Variants in RCC1L observed in about 807,000 individuals in gnomAD.
RCC1L encodes the protein RCC1 like.
In RCC1L, 46 loss-of-function variants were observed where a neutral mutation model predicts 58.6. The ratio of observed to expected loss-of-function variants is 0.79; its 90% CI spans 0.62 to 1.00. The LOEUF (loss-of-function observed/expected upper bound fraction) is 1.00. Ranked by LOEUF, RCC1L falls within the 50% of genes least tolerant of loss-of-function variation. The pLI, the probability that RCC1L is intolerant of heterozygous loss-of-function variation, is 0.00. For synonymous variants in RCC1L, 281 were observed against 262.9 expected, an observed-to-expected ratio of 1.07 and a Z score of -0.67; for missense variants, 636 against 623.6, an observed-to-expected ratio of 1.02 and a Z score of -0.21.
intron 10 of RCC1L, among the ~76,000 whole-genome samples, chr7:75,029,658 C>G (rs923453473): frequency 6.6e-6 from 1 of 151,918 alleles, no homozygotes; most frequent in Non-Finnish European, 1.5e-5. Context: ...GGATTTTTGA[C>G]GCCACTTCCT....
intron 10 of RCC1L, among the ~76,000 whole-genome samples, chr7:75,029,412 C>T (rs1273851240): frequency 4.1e-5 from 6 of 147,432 alleles, no homozygotes; most frequent in Admixed American, 2.1e-4. Context: ...GGTGCGATCT[C>T]GGTTCGCTGC....
At chr7:75,056,854 T>C in intron 8 of RCC1L, 2 of 920,314 alleles carry the variant, frequency 2.2e-6, no homozygotes, top group Non-Finnish European at 3.4e-6. Context: ...GGTCTCACCG[T>C]GTTGCCCAGT....
intron 2 of RCC1L, among the ~76,000 whole-genome samples, chr7:75,068,344 G>GT: frequency 7.4e-6 from 1 of 135,302 alleles, no homozygotes; most frequent in South Asian, 2.4e-4. Context: ...AAAAAGTAAT[G>GT]TAACATCTTA....
intron 10 of RCC1L, among the ~76,000 whole-genome samples, chr7:75,052,491 C>G (rs1378126251): frequency 2.0e-5 from 3 of 152,352 alleles, no homozygotes; most frequent in African/African-American, 7.2e-5. Context: ...CACTCCCCCA[C>G]GCATCACACC....
intron 4 of RCC1L, 104 bp downstream of exon 4, chr7:75,064,478 C>T: frequency 7.8e-7 from 1 of 1,284,810 alleles, no homozygotes; most frequent in Non-Finnish European, 1.1e-6. Flanking sequence ...GGCCCCCTCT[C>T]AGGCATGCCT....
intron 2 of RCC1L, among the ~76,000 whole-genome samples, chr7:75,069,501 C>A (rs1554445711): frequency 6.6e-6 from 1 of 151,910 alleles, no homozygotes; most frequent in Non-Finnish European, 1.5e-5. Context: ...GCCCCTGTGC[C>A]TGGCCAAGGA....
chr7:75,064,803 G>A, intron 3 of RCC1L, 155 bp from the exon 4 acceptor site: 2 of 808,836 alleles, frequency 2.5e-6, no homozygotes, highest in South Asian at 2.8e-5. Context: ...CTCAGGCTCT[G>A]CAGAAACTCA....
rs1554445161 is a variant in RCC1L at position 75,066,633 on chromosome 7, T to TG, written c.583+30_583+31insC. The stretch of plus-strand genomic sequence containing the variant: ...GTTCACAGTGAAATGGTCCCTGCAC[T>TG]CTTCCATCACCCTTCAATAGGTCAA... On this transcript the variant is annotated intron_variant, in intron 3 of 10. Coordinates refer to ENST00000610322, the MANE Select transcript of RCC1L (RefSeq NM_030798.5). The TG allele has an allele frequency of 5.6e-6, 9 of 1,607,846 alleles. No individual in the cohort carries two copies. In the South Asian group the frequency reaches 9.9e-5, roughly 18 times the overall value.
chr7:75,047,568 C>T (rs1181574970), intron 10 of RCC1L, among the ~76,000 whole-genome samples: 2 of 152,136 alleles, frequency 1.3e-5, no homozygotes, highest in African/African-American at 4.8e-5. Flanking sequence ...CTGGCCTGTG[C>T]CCGGCTTTTA....
At chr7:75,041,243 TA>T (rs1381204378), downstream of RCC1L, among the ~76,000 whole-genome samples, 7 of 151,764 alleles carry the variant, frequency 4.6e-5, no homozygotes, top group African/African-American at 1.7e-4. Context: ...ACTAACTAAA[TA>T]AATAAAGGGT....
In RCC1L at chr7:75,058,568, C is replaced by T. The variant is rs1039901225; in HGVS notation, c.969+20G>A. 685 of 1,577,592 alleles carry T rather than the reference C, an allele frequency of 4.3e-4. No individual in the cohort carries two copies. The highest frequency in any genetic ancestry group is 5.7e-4 in the Non-Finnish European group (663 of 1,160,178). On this transcript the variant is annotated intron_variant, in intron 7 of 10. Transcript: ENST00000610322. ...AATGTTTCCAAACCTCCCAGCACCA[C>T]GCTGTCGGCGACTGCATACCTGTGT...
chr7:75,066,536 A>C (rs1806492616), intron 3 of RCC1L, 128 bp downstream of exon 3: 3 of 1,289,234 alleles, frequency 2.3e-6, no homozygotes, highest in Non-Finnish European at 1.1e-6. Flanking sequence ...TGATCTGCTC[A>C]GGAAATACCA....
intron 10 of RCC1L, among the ~76,000 whole-genome samples, chr7:75,045,328 C>T (rs1443828271): frequency 2.6e-5 from 4 of 151,586 alleles, no homozygotes; most frequent in African/African-American, 7.3e-5. Context: ...TACTGGCATG[C>T]ACCACTATGC....
downstream of RCC1L, among the ~76,000 whole-genome samples, chr7:75,038,208 G>C (rs1805470733): frequency 1.3e-5 from 2 of 152,186 alleles, no homozygotes; most frequent in African/African-American, 2.4e-5. Flanking sequence ...TGGGCCACTA[G>C]GTCAGTCCTG....
chr7:75,065,059 C>T (rs1806418500), intron 3 of RCC1L, among the ~76,000 whole-genome samples: 2 of 152,002 alleles, frequency 1.3e-5, no homozygotes, highest in South Asian at 2.1e-4. Context: ...GCCACTGCCC[C>T]ATCTGGGAAG....
intron 10 of RCC1L, among the ~76,000 whole-genome samples, chr7:75,029,179 ACCTCCCACTGGCCC>A (rs1805227523): frequency 6.6e-6 from 1 of 151,840 alleles, no homozygotes; most frequent in Non-Finnish European, 1.5e-5. Flanking sequence ...AACACAGGCC[ACCTCCCACTGGCCC>A]CCTCCTCCTG....
chr7:75,048,860 C>T (rs1386092965), intron 10 of RCC1L, among the ~76,000 whole-genome samples: 1 of 152,222 alleles, frequency 6.6e-6, no homozygotes, highest in Non-Finnish European at 1.5e-5. Flanking sequence ...AGACCATTGT[C>T]TTAAAAGTCA....
chr7:75,028,080 C>T lies in RCC1L; in HGVS notation c.1318-1G>A. ...TGGCGCTGGCGGATGGGGCAGGTGCCTGGCGGGGGAGGAAGAGGGCTCTCT... is the reference window on the plus strand; with the variant it reads ...TGGCGCTGGCGGATGGGGCAGGTGCTTGGCGGGGGAGGAAGAGGGCTCTCT... On this transcript the variant is annotated splice_acceptor_variant, in intron 10 of 10. Coordinates refer to the RCC1L transcript ENST00000614461. LOFTEE classifies it high-confidence loss of function. 1 of 1,530,434 alleles carries T rather than the reference C, an allele frequency of 6.5e-7. No individual in the cohort carries two copies. The highest frequency in any genetic ancestry group is 8.7e-7 in the Non-Finnish European group (1 of 1,145,536). The allele number at this position is 1,530,434 out of a possible 1,614,324, so 94.8% of individuals were successfully genotyped here.
At chr7:75,039,789 C>T (rs954255855), downstream of RCC1L, among the ~76,000 whole-genome samples, 418 of 152,236 alleles carry the variant, frequency 2.7e-3, 3 homozygotes, top group Non-Finnish European at 2.1e-3. Flanking sequence ...CACTCCATCG[C>T]GGGTGCCATT....
Sources: gnomAD v4.1 joint callset for allele counts (sites outside exome capture counted in the v4.1 genomes callset) on GRCh38, gnomAD v4.1.1 for gene constraint, MANE v1.5 for transcripts, NCBI Gene and HGNC (gene_info 2026-07-23, HGNC 2026-07-21) for gene names.